NTNG1: variants seen among roughly 807,000 people sequenced by gnomAD.
NTNG1 encodes netrin-G1.
In NTNG1, 16 loss-of-function variants were observed where a neutral mutation model predicts 54.0. The ratio of observed to expected loss-of-function variants is 0.30; its 90% CI spans 0.20 to 0.45. The LOEUF (loss-of-function observed/expected upper bound fraction) is 0.45. NTNG1 is among the 20% of genes least tolerant of loss of function. The pLI is 1.00. For synonymous variants in NTNG1, 255 were observed against 263.1 expected, an observed-to-expected ratio of 0.97 and a Z score of 0.30; for missense variants, 530 against 678.7, an observed-to-expected ratio of 0.78 and a Z score of 2.43.
chr1:107,235,550 C>T lies in NTNG1; in HGVS notation c.246+86711C>T, dbSNP rs1327769648. 2.6e-5 allele frequency among the ~76,000 whole-genome samples: 4 copies of T among 152,260 alleles called. No homozygotes were observed. In the East Asian group the frequency reaches 7.7e-4, roughly 29 times the overall value. On this transcript the variant is annotated intron_variant, in intron 2 of 7. Transcript: ENST00000370068. Reference sequence around the variant, plus strand: ...CTTTCATGGGCTTTACCTTCAGGAGCTCCATCAAGTTCTCATGGTGAAGCT... The same window carrying T: ...CTTTCATGGGCTTTACCTTCAGGAGTTCCATCAAGTTCTCATGGTGAAGCT...
rs1330885824 is a variant in NTNG1, at chr1:107,191,133, A to G, written c.246+42294A>G. Among the ~76,000 whole-genome samples the G allele has an allele frequency of 1.1e-4, 16 of 152,314 alleles. No homozygotes were observed. In the East Asian group the frequency reaches 2.7e-3, roughly 26 times the overall value. ...TGATCGCCATTCTAACCGGTGTGAG[A>G]TGATATCTCATTGTGGTTTTGATTT... is the stretch of plus-strand genomic sequence containing the variant. On this transcript the variant is annotated intron_variant, in intron 2 of 7. Coordinates refer to ENST00000370068, the MANE Select transcript of NTNG1 (RefSeq NM_001113226.3).
At chr1:107,357,835 A>G (rs1330981273) in intron 3 of NTNG1, among the ~76,000 whole-genome samples, 2 of 152,162 alleles carry the variant, frequency 1.3e-5, no homozygotes, top group Non-Finnish European at 2.9e-5. Context: ...GAAATGAAGG[A>G]AAATATTGAT....
In NTNG1 at chr1:107,165,561, A is replaced by C. The variant is rs567359594; in HGVS notation, c.246+16722A>C. Among the ~76,000 whole-genome samples the C allele has an allele frequency of 1.9e-3, 293 of 152,236 alleles. 4 individuals are homozygous for C. The highest frequency in any genetic ancestry group is 6.8e-3 in the African/African-American group (284 of 41,562). On this transcript the variant is annotated intron_variant, in intron 2 of 7. Transcript: ENST00000370068. Reference sequence around the variant, plus strand: ...TAGTTACTAGTCTGCCCCCCACATCAGATTGTAAGCTCCTTGCAGACAGAA... The same window carrying C: ...TAGTTACTAGTCTGCCCCCCACATCCGATTGTAAGCTCCTTGCAGACAGAA...
rs1212629665 is a variant in NTNG1 at position 107,324,843 on chromosome 1, G to A, written c.808G>A (p.Ala270Thr). The change falls in exon 3 of 8, where the codon GCC (alanine) becomes ACC (threonine). Residue 270 changes from alanine to threonine, a missense_variant. Coordinates refer to ENST00000370068, the MANE Select transcript of NTNG1 (RefSeq NM_001113226.3). The part of the protein sequence containing the change: ...TDLRIRLLRP[A>T]VGEIFVDELH... ...CCTGAGGATAAGGCTGTTAAGACCA[G>A]CCGTTGGGGAAATATTTGTAGATGA... 2 of 1,613,560 alleles carry A rather than the reference G, an allele frequency of 1.2e-6. No individual in the cohort carries two copies. Among genetic ancestry groups the A allele is most frequent in the Non-Finnish European group, 1.7e-6 (2 of 1,179,682 alleles).
At chr1:107,416,470 T>G (rs1490230599) in intron 5 of NTNG1, among the ~76,000 whole-genome samples, 1 of 151,950 alleles carries the variant, frequency 6.6e-6, no homozygotes, top group African/African-American at 2.4e-5. Flanking sequence ...GTTCAAGAAG[T>G]CTCAGCAATT....
At chr1:107,386,655 G>C (rs186821863) in intron 3 of NTNG1, among the ~76,000 whole-genome samples, 6 of 152,286 alleles carry the variant, frequency 3.9e-5, no homozygotes, top group African/African-American at 1.4e-4. Context: ...ACATTGGGTT[G>C]TGTTCACTTT....
chr1:107,326,784 G>A (rs762776924), intron 3 of NTNG1, among the ~76,000 whole-genome samples: 1 of 151,108 alleles, frequency 6.6e-6, no homozygotes, highest in Non-Finnish European at 1.5e-5. Flanking sequence ...AAGCATTTTG[G>A]TTGGGAAAAA....
At chr1:107,209,406 C>T (rs114386845) in intron 2 of NTNG1, among the ~76,000 whole-genome samples, 290 of 152,098 alleles carry the variant, frequency 1.9e-3, no homozygotes, top group African/African-American at 6.8e-3. Context: ...GAGATAGTGG[C>T]GACTTAAGAC....
chr1:107,356,784 C>T (rs990334017), intron 3 of NTNG1, among the ~76,000 whole-genome samples: 3 of 152,090 alleles, frequency 2.0e-5, no homozygotes, highest in Non-Finnish European at 2.9e-5. Flanking sequence ...TGGTAGATCA[C>T]TTGAGTTCAG....
chr1:107,480,286 G>T (rs1678602909), intron 7 of NTNG1, among the ~76,000 whole-genome samples: 1 of 152,000 alleles, frequency 6.6e-6, no homozygotes, highest in African/African-American at 2.4e-5. Flanking sequence ...ATCACAACAG[G>T]TCCCAGTTCC....
At chr1:107,335,194 C>G (rs1404116302) in intron 3 of NTNG1, among the ~76,000 whole-genome samples, 1 of 151,886 alleles carries the variant, frequency 6.6e-6, no homozygotes, top group Non-Finnish European at 1.5e-5. Flanking sequence ...GAAGAGAAGT[C>G]CATGAAAAGG....
rs115746325 is a variant in NTNG1 at position 107,211,567 on chromosome 1, T to C, written c.246+62728T>C. On this transcript the variant is annotated intron_variant, in intron 2 of 7. Transcript: ENST00000370068. ...GTATCCATGAAGTCCCATTAGCACATTGCAGCATGAGGACAAGGTTGAGCT... is the reference window on the plus strand; with the variant it reads ...GTATCCATGAAGTCCCATTAGCACACTGCAGCATGAGGACAAGGTTGAGCT... 6.9e-3 allele frequency among the ~76,000 whole-genome samples: 1,048 copies of C among 152,212 alleles called. 10 individuals carry two copies. The highest frequency in any genetic ancestry group is 0.024 in the African/African-American group (1,004 of 41,512).
chr1:107,376,075 T>C (rs1018225709), intron 3 of NTNG1, among the ~76,000 whole-genome samples: 2 of 152,238 alleles, frequency 1.3e-5, no homozygotes, highest in African/African-American at 4.8e-5. Context: ...TAGGAACTCC[T>C]ATAAGCACTT....
intron 3 of NTNG1, among the ~76,000 whole-genome samples, chr1:107,341,381 A>G (rs1354875004): frequency 2.0e-5 from 3 of 152,028 alleles, no homozygotes; most frequent in Non-Finnish European, 4.4e-5. Flanking sequence ...GCTTAAATTT[A>G]TCATTACCAT....
intron 3 of NTNG1, among the ~76,000 whole-genome samples, chr1:107,336,198 T>A (rs1668567773): frequency 6.6e-6 from 1 of 151,116 alleles, no homozygotes. Context: ...TTTTTTTTTT[T>A]AATTTCAAAA....
intron 2 of NTNG1, among the ~76,000 whole-genome samples, chr1:107,229,401 A>G (rs1424734208): frequency 2.0e-5 from 3 of 151,256 alleles, no homozygotes; most frequent in East Asian, 3.9e-4. Context: ...GCTAAGATCA[A>G]GTGCAAAAGC....
intron 6 of NTNG1, among the ~76,000 whole-genome samples, chr1:107,431,165 A>G (rs1675239002): frequency 6.6e-6 from 1 of 152,188 alleles, no homozygotes; most frequent in Non-Finnish European, 1.5e-5. Context: ...TGTTAAAGAA[A>G]TTAAGAATTT....
At chr1:107,402,383 G>A (rs1181171127) in intron 4 of NTNG1, among the ~76,000 whole-genome samples, 1 of 152,174 alleles carries the variant, frequency 6.6e-6, no homozygotes, top group Non-Finnish European at 1.5e-5. Context: ...TTGAGACCAT[G>A]CTAGGACGGT....
intron 2 of NTNG1, among the ~76,000 whole-genome samples, chr1:107,262,998 A>G (rs1302117239): frequency 2.6e-5 from 4 of 152,204 alleles, no homozygotes; most frequent in Non-Finnish European, 4.4e-5. Context: ...ATCATTATCT[A>G]GCACAAATAA....
Sources: gnomAD v4.1 joint callset for allele counts (sites outside exome capture counted in the v4.1 genomes callset) on GRCh38, gnomAD v4.1.1 for gene constraint, MANE v1.5 for transcripts, NCBI Gene and HGNC (gene_info 2026-07-23, HGNC 2026-07-21) for gene names.